Variants in ALK observed in about 807,000 individuals in gnomAD.
ALK encodes ALK receptor tyrosine kinase.
ALK carries 74 observed loss-of-function variants against 163.1 expected under a neutral mutation model. The observed-to-expected ratio is 0.45, with a 90% CI of 0.38 to 0.55. The LOEUF is 0.55. Among genes scored for constraint, ALK ranks in the 20% least tolerant of loss-of-function variants. The probability of loss-of-function intolerance (pLI) is 0.00; values close to 1 mark genes in which losing one functional copy is unlikely to be tolerated. For synonymous variants in ALK, 960 were observed against 843.2 expected (o/e 1.14, Z -2.40); for missense variants, 2,063 against 2,105.3 (o/e 0.98, Z 0.39).
chr2:29,618,965 C>T (rs60162972), intron 3 of ALK, among the ~76,000 whole-genome samples: 3,884 of 150,338 alleles, frequency 0.026, 93 homozygotes, highest in South Asian at 0.058. Flanking sequence ...GGCGACAAAG[C>T]GAGACTGCGT....
chr2:29,584,521 T>C (rs752961697), intron 3 of ALK, among the ~76,000 whole-genome samples: 6 of 152,224 alleles, frequency 3.9e-5, no homozygotes, highest in Non-Finnish European at 8.8e-5. Flanking sequence ...AAACACTTGC[T>C]TGAATACCAA....
rs554501654 is a variant in ALK, at chr2:29,901,322, G to A, written c.667+18671C>T. Among the ~76,000 whole-genome samples the A allele has an allele frequency of 4.6e-5, 7 of 152,284 alleles. No individual in the cohort carries two copies. The South Asian group carries it at 1.5e-3, about 32-fold the overall frequency. On this transcript the variant is annotated intron_variant, in intron 1 of 28. Transcript: ENST00000389048. Reference sequence around the variant, plus strand: ...CTCTCCAATCCCCCTTCTCATCATTGCCTTATCTGAGGTCATGTCTGATAT... The same window carrying A: ...CTCTCCAATCCCCCTTCTCATCATTACCTTATCTGAGGTCATGTCTGATAT...
chr2:29,289,040 T>C (rs1665945922), intron 9 of ALK, among the ~76,000 whole-genome samples: 1 of 151,970 alleles, frequency 6.6e-6, no homozygotes, highest in African/African-American at 2.4e-5. Flanking sequence ...TTCTGCTTCT[T>C]AGTTGTGTGC....
intron 13 of ALK, among the ~76,000 whole-genome samples, chr2:29,236,970 A>G (rs990428705): frequency 1.3e-5 from 2 of 152,082 alleles, no homozygotes; most frequent in African/African-American, 4.8e-5. Flanking sequence ...CATGTCTGAT[A>G]TTGAACTCCT....
At chr2:29,910,968 AAACAACAAC>A (rs374826747) in intron 1 of ALK, among the ~76,000 whole-genome samples, 2 of 151,916 alleles carry the variant, frequency 1.3e-5, no homozygotes, top group Non-Finnish European at 2.9e-5. Flanking sequence ...ACTCTGGACG[AAACAACAAC>A]AACAACAACA....
At chr2:29,645,526 G>A (rs1676847271) in intron 3 of ALK, among the ~76,000 whole-genome samples, 2 of 152,068 alleles carry the variant, frequency 1.3e-5, no homozygotes, top group Admixed American at 1.3e-4. Flanking sequence ...TAAAATCTTA[G>A]AATTTTAGAG....
chr2:29,630,231 T>C (rs1676323212), intron 3 of ALK, among the ~76,000 whole-genome samples: 1 of 152,242 alleles, frequency 6.6e-6, no homozygotes, highest in Admixed American at 6.5e-5. Context: ...TGGATATTTC[T>C]CCTAGCTTCT....
intron 2 of ALK, among the ~76,000 whole-genome samples, chr2:29,695,410 C>T (rs1322655660): frequency 1.3e-5 from 2 of 152,150 alleles, no homozygotes; most frequent in Non-Finnish European, 2.9e-5. Context: ...CCCGGTGACT[C>T]CAAGCAAGAA....
chr2:29,745,275 G>C (rs867105158), intron 1 of ALK, among the ~76,000 whole-genome samples: 1 of 152,166 alleles, frequency 6.6e-6, no homozygotes, highest in Non-Finnish European at 1.5e-5. Context: ...AAGTGGTTGA[G>C]GTAGATTTTA....
At chr2:29,495,403 C>T (rs1448579111) in intron 4 of ALK, among the ~76,000 whole-genome samples, 4 of 152,174 alleles carry the variant, frequency 2.6e-5, no homozygotes, top group Non-Finnish European at 5.9e-5. Flanking sequence ...GGTCTCTTCC[C>T]CTCTCAAGAC....
intron 3 of ALK, among the ~76,000 whole-genome samples, chr2:29,608,227 A>G (rs1675594279): frequency 6.6e-6 from 1 of 151,992 alleles, no homozygotes; most frequent in Non-Finnish European, 1.5e-5. Context: ...ACCACCTATT[A>G]CCATTTGATA....
intron 4 of ALK, among the ~76,000 whole-genome samples, chr2:29,497,720 C>T (rs1338733502): frequency 1.3e-5 from 2 of 152,134 alleles, no homozygotes; most frequent in African/African-American, 4.8e-5. Context: ...CAATATTCTG[C>T]TCACATGGGA....
At chr2:29,716,491 T>TAGA (rs889005916) in intron 2 of ALK, among the ~76,000 whole-genome samples, 7 of 152,184 alleles carry the variant, frequency 4.6e-5, no homozygotes, top group African/African-American at 1.7e-4. Context: ...ACCCAGCTAC[T>TAGA]ATGAGCTGTT....
chr2:29,694,917 G>T lies in ALK; in HGVS notation c.885C>A (p.Ser295=), dbSNP rs1060503882. Residue 295 remains serine (S), a synonymous_variant, in exon 3 of 29, where the codon TCC becomes TCA. Transcript: ENST00000389048. The stretch of plus-strand genomic sequence containing the variant: ...GCAAGTCCATCTGGGAGGCCTCCTC[G>T]GAGGGGATGCGGCGCCAGGACCAGC... ...NQSWSWRRIP[S]EEASQMDLLD... is the part of the protein sequence containing the mutation. 1.9e-6 allele frequency: 3 copies of T among 1,614,006 alleles called. No homozygotes were observed. In the African/African-American group the frequency reaches 4.0e-5, roughly 22 times the overall value.
At chr2:29,522,731 GCTACT>G (rs1480829307) in intron 4 of ALK, among the ~76,000 whole-genome samples, 4 of 152,170 alleles carry the variant, frequency 2.6e-5, no homozygotes, top group African/African-American at 9.7e-5. Context: ...CATCTCCATG[GCTACT>G]CTTCTTGCAA....
intron 5 of ALK, among the ~76,000 whole-genome samples, chr2:29,376,014 C>T (rs1283129176): frequency 6.6e-6 from 1 of 152,146 alleles, no homozygotes; most frequent in East Asian, 1.9e-4. Context: ...ATTCCAAACT[C>T]CTCCCCAACC....
At chr2:29,526,122 G>C (rs1672953556) in intron 4 of ALK, among the ~76,000 whole-genome samples, 1 of 152,182 alleles carries the variant, frequency 6.6e-6, no homozygotes, top group South Asian at 2.1e-4. Context: ...TGAGCAGCCT[G>C]AGAGGAGAGT....
chr2:29,482,581 G>A (rs1259826694), intron 4 of ALK, among the ~76,000 whole-genome samples: 1 of 152,176 alleles, frequency 6.6e-6, no homozygotes, highest in African/African-American at 2.4e-5. Flanking sequence ...GGTGTGAGGT[G>A]AGGTCAGGTA....
chr2:29,423,569 G>C (rs1374985957), intron 4 of ALK, among the ~76,000 whole-genome samples: 1 of 152,208 alleles, frequency 6.6e-6, no homozygotes, highest in Non-Finnish European at 1.5e-5. Context: ...TGACCAAGCT[G>C]GTGTTTACTG....
Sources: allele counts gnomAD v4.1 joint callset (sites outside exome capture counted in the v4.1 genomes callset), GRCh38; gene constraint gnomAD v4.1.1; transcripts MANE v1.5; gene names NCBI Gene and HGNC (gene_info 2026-07-23, HGNC 2026-07-21).